Variants in CMTM4 observed in about 807,000 individuals in gnomAD.
CMTM4 encodes the protein CKLF-like MARVEL transmembrane domain-containing protein 4.
A neutral mutation model predicts 19.0 loss-of-function variants in CMTM4; 8 were observed. The ratio of observed to expected loss-of-function variants is 0.42; its 90% CI spans 0.25 to 0.76. CMTM4 has a LOEUF of 0.76. Among genes scored for constraint, CMTM4 ranks in the 30% least tolerant of loss-of-function variants. The pLI is 0.27. For missense variants in CMTM4, 228 were observed against 290.2 expected (o/e 0.79, Z 1.56); for synonymous variants, 106 against 121.1 (o/e 0.88, Z 0.82).
chr16:66,658,517 G>A (rs1596939729), intron 1 of CMTM4, among the ~76,000 whole-genome samples: 1 of 152,068 alleles, frequency 6.6e-6, no homozygotes, highest in Non-Finnish European at 1.5e-5. Context: ...GTGATTTCCT[G>A]TGGCCCTTGA....
At chr16:66,676,087 C>T (rs1008853680) in intron 1 of CMTM4, among the ~76,000 whole-genome samples, 1 of 152,150 alleles carries the variant, frequency 6.6e-6, no homozygotes, top group Admixed American at 6.5e-5. Flanking sequence ...TCAAATTATC[C>T]TGTTCTCACT....
At chr16:66,644,686 G>A (rs952493192) in intron 1 of CMTM4, among the ~76,000 whole-genome samples, 2 of 152,086 alleles carry the variant, frequency 1.3e-5, no homozygotes, top group African/African-American at 2.4e-5. Flanking sequence ...GACCCCTGTC[G>A]TGACCCTTGG....
chr16:66,608,741 G>C, the CMTM4 span, among the ~76,000 whole-genome samples: 1 of 152,140 alleles, frequency 6.6e-6, no homozygotes, highest in African/African-American at 2.4e-5. This position sits in a 1 kb window ranked among gnomAD's most constrained non-coding sequence, Gnocchi z 5.1. Context: ...GCTCCCCACC[G>C]GGCCTACAGG....
chr16:66,642,615 C>A (rs1457120624), intron 1 of CMTM4, among the ~76,000 whole-genome samples: 1 of 152,120 alleles, frequency 6.6e-6, no homozygotes, highest in South Asian at 2.1e-4. Flanking sequence ...AGGCAGGAGG[C>A]TGAGGCATGA....
chr16:66,607,510 A>G, the CMTM4 span, among the ~76,000 whole-genome samples: 1 of 152,240 alleles, frequency 6.6e-6, no homozygotes, highest in Non-Finnish European at 1.5e-5. Flanking sequence ...TTATCTTTTA[A>G]CACAAAATAA....
intron 1 of CMTM4, among the ~76,000 whole-genome samples, chr16:66,658,091 G>C (rs994066829): frequency 1.3e-5 from 2 of 152,074 alleles, no homozygotes; most frequent in Admixed American, 1.3e-4. Context: ...TTAGCTGGAC[G>C]TTGTGATACA....
chr16:66,648,658 CA>C (rs771440953), intron 1 of CMTM4, among the ~76,000 whole-genome samples: 41 of 140,150 alleles, frequency 2.9e-4, no homozygotes, highest in Admixed American at 3.6e-4. Context: ...AACTCCGTCT[CA>C]AAAAAAAAAA....
chr16:66,686,090 TA>T (rs2017025666), intron 1 of CMTM4, among the ~76,000 whole-genome samples: 1 of 151,184 alleles, frequency 6.6e-6, no homozygotes, highest in African/African-American at 2.4e-5. Flanking sequence ...CTGTCTCTAC[TA>T]AAAATACAAA....
chr16:66,617,902 T>G lies in CMTM4; in HGVS notation c.*4156A>C. The G allele has an allele frequency of 1.0e-6, 1 of 988,252 alleles. No homozygotes were observed. Among genetic ancestry groups the G allele is most frequent in the Non-Finnish European group, 1.2e-6 (1 of 831,944 alleles). 61.2% of individuals were successfully genotyped at this position (988,252 alleles called of 1,614,324 possible). A position where few individuals can be genotyped will look rare whatever the true frequency, so the allele number is the denominator to read the frequency against. On this transcript the variant is annotated 3_prime_UTR_variant, in exon 4 of 4. Coordinates refer to ENST00000394106, the MANE Select transcript of CMTM4 (RefSeq NM_181521.3). ...GCTGACTGTGGAACGCGAGACAGCT[T>G]TCAAAGACAAGAGGACAGGAAGGCA...
chr16:66,648,823 C>G (rs2016255062), intron 1 of CMTM4, among the ~76,000 whole-genome samples: 1 of 151,842 alleles, frequency 6.6e-6, no homozygotes, highest in African/African-American at 2.4e-5. Flanking sequence ...AATACAAAAA[C>G]TAGCTGGGTG....
chr16:66,654,213 A>C (rs1307473865), intron 1 of CMTM4, among the ~76,000 whole-genome samples: 4 of 152,152 alleles, frequency 2.6e-5, no homozygotes, highest in Non-Finnish European at 5.9e-5. Flanking sequence ...TTGACAAGCA[A>C]AGTGAAGCAA....
At chr16:66,649,459 C>CT (rs1555500121) in intron 1 of CMTM4, among the ~76,000 whole-genome samples, 48 of 149,498 alleles carry the variant, frequency 3.2e-4, no homozygotes, top group African/African-American at 1.0e-3. Flanking sequence ...TCTATCTATC[C>CT]ATCTATCTAT....
At chr16:66,685,705 G>A (rs2017018067) in intron 1 of CMTM4, among the ~76,000 whole-genome samples, 1 of 152,158 alleles carries the variant, frequency 6.6e-6, no homozygotes, top group African/African-American at 2.4e-5. Flanking sequence ...GTGCAGTGGT[G>A]CAATTTTGGC....
In CMTM4 at chr16:66,630,249, T is replaced by C. The variant is rs530322372; in HGVS notation, c.363+6156A>G. 4.7e-5 allele frequency among the ~76,000 whole-genome samples: 7 copies of C among 150,046 alleles called. No homozygotes were observed. The South Asian group carries it at 1.1e-3, about 23-fold the overall frequency. On this transcript the variant is annotated intron_variant, in intron 2 of 3. Coordinates refer to ENST00000394106, the MANE Select transcript of CMTM4 (RefSeq NM_181521.3). ...ACAGAACAGCTTGGTGTGGAAAATGTATTTGGTGTCAGAAAAAAAAAAACA... is the reference window on the plus strand; with the variant it reads ...ACAGAACAGCTTGGTGTGGAAAATGCATTTGGTGTCAGAAAAAAAAAAACA...
At chr16:66,604,947 G>A in the CMTM4 span, 8 of 1,504,428 alleles carry the variant, frequency 5.3e-6, no homozygotes, top group Non-Finnish European at 7.0e-6. Context: ...CCTGCTGGCC[G>A]AGTCGGTGAG....
intron 1 of CMTM4, among the ~76,000 whole-genome samples, chr16:66,685,896 C>T (rs1351485755): frequency 1.3e-5 from 2 of 152,154 alleles, no homozygotes; most frequent in Admixed American, 6.5e-5. Context: ...CTGTCCACCT[C>T]GGCCTCTCAA....
downstream of CMTM4, chr16:66,610,178 A>ATT: frequency 1.3e-6 from 1 of 775,302 alleles, no homozygotes; most frequent in Non-Finnish European, 2.0e-6. The surrounding 1 kb of genome is among the most constrained non-coding windows in gnomAD (Gnocchi z 4.6). Flanking sequence ...AGCCAGTCCC[A>ATT]TTCGCCTCGT....
intron 1 of CMTM4, among the ~76,000 whole-genome samples, chr16:66,638,180 T>C (rs895720823): frequency 6.6e-6 from 1 of 152,158 alleles, no homozygotes; most frequent in African/African-American, 2.4e-5. Flanking sequence ...ATCCTTACCA[T>C]CTTGCAGCCT....
At chr16:66,683,194 C>CATATAT (rs71378405) in intron 1 of CMTM4, among the ~76,000 whole-genome samples, 11 of 107,672 alleles carry the variant, frequency 1.0e-4, no homozygotes, top group East Asian at 5.8e-4. Context: ...TATATATATA[C>CATATAT]ATATATATAT....
Sources: gnomAD v4.1 joint callset for allele counts (sites outside exome capture counted in the v4.1 genomes callset) on GRCh38, gnomAD v4.1.1 for gene constraint, Gnocchi (gnomAD v3.1) non-coding constraint, MANE v1.5 for transcripts, NCBI Gene and HGNC (gene_info 2026-07-23, HGNC 2026-07-21) for gene names.